The following FAM13A variants were observed in gnomAD, a reference collection of about 807,000 sequenced individuals.
FAM13A encodes the protein protein FAM13A.
FAM13A carries 76 observed loss-of-function variants against 129.6 expected under a neutral mutation model. The observed-to-expected ratio is 0.59, with a 90% CI of 0.49 to 0.71. The LOEUF (loss-of-function observed/expected upper bound fraction) is 0.71. Ranked by LOEUF, FAM13A falls within the 30% of genes least tolerant of loss-of-function variation. The probability of loss-of-function intolerance (pLI) is 0.00; values close to 1 mark genes in which losing one functional copy is unlikely to be tolerated. For missense variants in FAM13A, 1,108 were observed against 1,249.3 expected (o/e 0.89, Z 1.70); for synonymous variants, 443 against 449.9 (o/e 0.98, Z 0.20).
intron 6 of FAM13A, among the ~76,000 whole-genome samples, chr4:88,863,171 G>T (rs139339925): frequency 6.6e-6 from 1 of 152,122 alleles, no homozygotes; most frequent in Admixed American, 6.5e-5. Flanking sequence ...AACTAACTGC[G>T]TGATTAGAGG....
At chr4:88,772,804 C>G (rs908967774) in intron 11 of FAM13A, among the ~76,000 whole-genome samples, 2 of 152,144 alleles carry the variant, frequency 1.3e-5, no homozygotes, top group African/African-American at 4.8e-5. Context: ...GAATACTATA[C>G]TTACTGAAAG....
Position 88,745,806 on chromosome 4 carries a change from T to C in FAM13A, c.2466+1126A>G, listed in dbSNP as rs143661942. Among the ~76,000 whole-genome samples the C allele has an allele frequency of 1.3e-4, 20 of 152,228 alleles. No individual in the cohort carries two copies. The East Asian group carries it at 3.9e-3, about 29-fold the overall frequency. Reference sequence around the variant, plus strand: ...AACATTATCCCAGAGTGTCAGTATTTTTCCACTGCAGGGACAGGCCAGCAG... The same window carrying C: ...AACATTATCCCAGAGTGTCAGTATTCTTCCACTGCAGGGACAGGCCAGCAG... On this transcript the variant is annotated intron_variant, in intron 19 of 23. Coordinates refer to ENST00000264344, the MANE Select transcript of FAM13A (RefSeq NM_014883.4).
intron 5 of FAM13A, among the ~76,000 whole-genome samples, chr4:88,920,839 TAGAG>T (rs913966935): frequency 6.6e-6 from 1 of 151,850 alleles, no homozygotes; most frequent in African/African-American, 2.4e-5. Flanking sequence ...GAATAATCAA[TAGAG>T]AGAAGTGCTT....
chr4:88,746,904 C>G (rs1483190605), intron 19 of FAM13A, 28 bp downstream of exon 19: 1 of 1,454,208 alleles, frequency 6.9e-7, no homozygotes, highest in Admixed American at 1.7e-5. Context: ...TAATTGACCC[C>G]AATCAGAAAA....
At chr4:88,886,944 C>T (rs1744525282) in intron 6 of FAM13A, among the ~76,000 whole-genome samples, 2 of 151,588 alleles carry the variant, frequency 1.3e-5, no homozygotes, top group Admixed American at 1.3e-4. Context: ...ATATATATTA[C>T]CCATGGAATA....
chr4:88,929,769 T>C (rs974137891), intron 5 of FAM13A, among the ~76,000 whole-genome samples: 4 of 152,150 alleles, frequency 2.6e-5, no homozygotes, highest in African/African-American at 9.7e-5. Context: ...ACAGGATCTC[T>C]CTCTGTCACT....
At chr4:88,783,071 T>C (rs1252530608) in intron 10 of FAM13A, among the ~76,000 whole-genome samples, 1 of 152,168 alleles carries the variant, frequency 6.6e-6, no homozygotes, top group South Asian at 2.1e-4. Flanking sequence ...TGCATAATAA[T>C]TACATTAAGG....
intron 1 of FAM13A, among the ~76,000 whole-genome samples, chr4:89,053,619 G>A (rs573811154): frequency 2.6e-5 from 4 of 152,198 alleles, no homozygotes; most frequent in Non-Finnish European, 4.4e-5. Flanking sequence ...GAAAGGCTAC[G>A]AGGCCTGGGG....
chr4:88,879,624 A>G (rs572017265), intron 6 of FAM13A, among the ~76,000 whole-genome samples: 7 of 152,312 alleles, frequency 4.6e-5, no homozygotes, highest in African/African-American at 1.7e-4. Flanking sequence ...GAGGTGCGGC[A>G]TGTGATTAGC....
chr4:88,799,906 T>A (rs907110950), intron 8 of FAM13A, among the ~76,000 whole-genome samples: 1 of 152,214 alleles, frequency 6.6e-6, no homozygotes, highest in Non-Finnish European at 1.5e-5. Context: ...GCAACCTAAG[T>A]GTCTATTGAC....
At chr4:88,983,108 C>G (rs1008793210) in intron 4 of FAM13A, among the ~76,000 whole-genome samples, 4 of 152,132 alleles carry the variant, frequency 2.6e-5, no homozygotes, top group Non-Finnish European at 5.9e-5. Context: ...TCTGCCTAAT[C>G]CTACCTTCCT....
chr4:88,741,329 A>C (rs1388239922), intron 19 of FAM13A, among the ~76,000 whole-genome samples: 1 of 152,238 alleles, frequency 6.6e-6, no homozygotes, highest in East Asian at 1.9e-4. Context: ...TAAGTGAATC[A>C]CAGCTATATG....
intron 7 of FAM13A, chr4:88,823,116 G>A: frequency 6.5e-7 from 1 of 1,546,132 alleles, no homozygotes; most frequent in Non-Finnish European, 8.7e-7. Context: ...GGGGGCATGA[G>A]GCTGCACCGC....
chr4:88,924,664 A>C (rs1751774683), intron 5 of FAM13A, among the ~76,000 whole-genome samples: 1 of 152,214 alleles, frequency 6.6e-6, no homozygotes, highest in Non-Finnish European at 1.5e-5. Context: ...CATGTCTAAA[A>C]CACCAAAAGC....
intron 3 of FAM13A, among the ~76,000 whole-genome samples, chr4:88,993,527 C>T (rs544937127): frequency 1.3e-5 from 2 of 152,220 alleles, no homozygotes; most frequent in Admixed American, 6.5e-5. Context: ...TCTAATAAAA[C>T]GAAGATTCAA....
chr4:88,959,015 G>T (rs1285139187), intron 4 of FAM13A, among the ~76,000 whole-genome samples: 2 of 152,190 alleles, frequency 1.3e-5, no homozygotes, highest in African/African-American at 2.4e-5. Context: ...TTTCACACTT[G>T]CTTTTGGTTG....
chr4:88,875,649 T>A (rs1742283458), intron 6 of FAM13A, among the ~76,000 whole-genome samples: 1 of 152,152 alleles, frequency 6.6e-6, no homozygotes, highest in Non-Finnish European at 1.5e-5. Flanking sequence ...CAACAGGTGC[T>A]GGAGAGAATG....
chr4:89,026,623 A>T (rs1242143099), intron 2 of FAM13A, among the ~76,000 whole-genome samples: 2 of 152,204 alleles, frequency 1.3e-5, no homozygotes, highest in Non-Finnish European at 2.9e-5. Flanking sequence ...CAGGAAGAAG[A>T]AGTGCTGAGC....
intron 6 of FAM13A, among the ~76,000 whole-genome samples, chr4:88,885,337 G>A (rs1744236601): frequency 6.6e-6 from 1 of 152,146 alleles, no homozygotes; most frequent in Admixed American, 6.5e-5. Flanking sequence ...AAACAGGATA[G>A]AGAACCCAGA....
Sources: allele counts gnomAD v4.1 joint callset (sites outside exome capture counted in the v4.1 genomes callset), GRCh38; gene constraint gnomAD v4.1.1; transcripts MANE v1.5; gene names NCBI Gene and HGNC (gene_info 2026-07-23, HGNC 2026-07-21).